The following PAPPA2 variants were observed in gnomAD, a reference collection of about 807,000 sequenced individuals.
The protein encoded by PAPPA2 is pappalysin 2, also known as pappalysin-2.
A neutral mutation model predicts 176.4 loss-of-function variants in PAPPA2; 86 were observed. That is an observed-to-expected ratio of 0.49 (90% CI 0.41 to 0.58). The LOEUF (loss-of-function observed/expected upper bound fraction) is 0.58. PAPPA2 is among the 20% of genes least tolerant of loss of function. The pLI is 0.00. For synonymous variants in PAPPA2, 809 were observed against 852.2 expected, an observed-to-expected ratio of 0.95 and a Z score of 0.88; for missense variants, 2,073 against 2,256.9, an observed-to-expected ratio of 0.92 and a Z score of 1.65.
chr1:176,814,505 T>C lies in PAPPA2; in HGVS notation c.5202+14373T>C, dbSNP rs114242372. Among the ~76,000 whole-genome samples, 1,244 of 152,260 alleles carry C rather than the reference T, an allele frequency of 8.2e-3. 28 individuals are homozygous for C. Among genetic ancestry groups the C allele is most frequent in the African/African-American group, 0.029 (1,186 of 41,552 alleles). ...TTCTTGAAGAGTTCCTTCATTTCCT[T>C]TGTTAGCTGTATTCCTAGGTATTTT... is the stretch of plus-strand genomic sequence containing the variant. On this transcript the variant is annotated intron_variant, in intron 21 of 22. Transcript: ENST00000367662.
At chr1:176,842,334 G>A (rs769222040) in intron 22 of PAPPA2, 46 bp from the exon 23 acceptor site, 16 of 1,523,676 alleles carry the variant, frequency 1.1e-5, no homozygotes, top group African/African-American at 2.7e-5. Context: ...AAAGTGTGAA[G>A]CTATCACAGA....
chr1:176,827,978 A>G (rs1666922039), intron 21 of PAPPA2, among the ~76,000 whole-genome samples: 2 of 152,098 alleles, frequency 1.3e-5, no homozygotes. Context: ...CCTTAGGCAG[A>G]AGGTGGCTGC....
intron 21 of PAPPA2, among the ~76,000 whole-genome samples, chr1:176,804,240 C>T (rs370441672): frequency 1.1e-4 from 17 of 152,144 alleles, no homozygotes; most frequent in East Asian, 7.7e-4. Context: ...TATCTTCATG[C>T]ATGTTGAAAC....
intron 1 of PAPPA2, among the ~76,000 whole-genome samples, chr1:176,466,901 C>A (rs1230310688): frequency 6.6e-6 from 1 of 152,190 alleles, no homozygotes; most frequent in Non-Finnish European, 1.5e-5. Flanking sequence ...GTGTTAGGCT[C>A]ACCTGTTTTG....
At position 176,776,177 on chromosome 1, in the gene PAPPA2, A is replaced by G. The variant is rs116466685; in HGVS notation, c.4715+4997A>G. On this transcript the variant is annotated intron_variant, in intron 17 of 22. Coordinates refer to ENST00000367662, the MANE Select transcript of PAPPA2 (RefSeq NM_020318.3). ...TGTATTTTGTCAATAAAACCATATT[A>G]TATTCTCCCTTATCTTTCACTTCCA... Among the ~76,000 whole-genome samples the G allele has an allele frequency of 6.2e-3, 938 of 152,258 alleles. 12 individuals carry two copies. Among genetic ancestry groups the G allele is most frequent in the Non-Finnish European group, 8.1e-3 (551 of 68,004 alleles).
intron 3 of PAPPA2, among the ~76,000 whole-genome samples, chr1:176,631,860 G>A (rs1454407662): frequency 6.6e-6 from 1 of 152,154 alleles, no homozygotes; most frequent in East Asian, 1.9e-4. Context: ...TATGGAAAGA[G>A]CCAGGAGAAT....
At chr1:176,771,826 G>T (rs1348916343) in intron 17 of PAPPA2, among the ~76,000 whole-genome samples, 2 of 152,076 alleles carry the variant, frequency 1.3e-5, no homozygotes, top group African/African-American at 2.4e-5. Context: ...AAGAACAAAA[G>T]CTTTATAATG....
chr1:176,689,055 C>A (rs551087953), intron 4 of PAPPA2, among the ~76,000 whole-genome samples: 1 of 152,244 alleles, frequency 6.6e-6, no homozygotes, highest in Non-Finnish European at 1.5e-5. Flanking sequence ...AAGGGCAGGG[C>A]CAGCTGGGCA....
chr1:176,791,297 C>T (rs768941913), intron 18 of PAPPA2, 50 bp from the exon 19 acceptor site: 1 of 1,411,612 alleles, frequency 7.1e-7, no homozygotes, highest in Non-Finnish European at 9.5e-7. Flanking sequence ...TTTCAACTCT[C>T]AATAAAGTTA....
chr1:176,476,056 G>A (rs1359670677), intron 1 of PAPPA2, among the ~76,000 whole-genome samples: 2 of 152,296 alleles, frequency 1.3e-5, no homozygotes, highest in Non-Finnish European at 2.9e-5. Flanking sequence ...AAATTTTGGA[G>A]CAAAGACTAT....
chr1:176,620,624 G>T (rs2102690834), intron 3 of PAPPA2, among the ~76,000 whole-genome samples: 1 of 152,294 alleles, frequency 6.6e-6, no homozygotes, highest in Non-Finnish European at 1.5e-5. Flanking sequence ...GAATGATTAT[G>T]ATTGTGTTCC....
At chr1:176,528,074 T>C (rs2102547640) in intron 1 of PAPPA2, among the ~76,000 whole-genome samples, 1 of 152,328 alleles carries the variant, frequency 6.6e-6, no homozygotes, top group South Asian at 2.1e-4. Flanking sequence ...TCTGAGGATT[T>C]ATAGTGAAAG....
At chr1:176,636,054 A>G (rs1178124401) in intron 3 of PAPPA2, among the ~76,000 whole-genome samples, 3 of 152,132 alleles carry the variant, frequency 2.0e-5, no homozygotes, top group East Asian at 3.9e-4. Context: ...TGAAACAGCT[A>G]TTCTTCGATG....
At chr1:176,654,308 G>A (rs577066684) in intron 3 of PAPPA2, among the ~76,000 whole-genome samples, 11 of 151,702 alleles carry the variant, frequency 7.3e-5, no homozygotes, top group Admixed American at 4.6e-4. Flanking sequence ...TTATTTAAAA[G>A]ATTATCATGT....
At chr1:176,644,779 C>A (rs182434250) in intron 3 of PAPPA2, among the ~76,000 whole-genome samples, 25 of 151,836 alleles carry the variant, frequency 1.6e-4, no homozygotes, top group African/African-American at 6.0e-4. Context: ...TTCAGGAAAA[C>A]CTTCCTGGAT....
chr1:176,497,508 C>T (rs1274922539), intron 1 of PAPPA2, among the ~76,000 whole-genome samples: 2 of 152,136 alleles, frequency 1.3e-5, no homozygotes, highest in African/African-American at 2.4e-5. Flanking sequence ...ATCTGGAGCC[C>T]CAAGGGGGAT....
At chr1:176,593,983 G>A (rs1482541123) in intron 2 of PAPPA2, among the ~76,000 whole-genome samples, 2 of 152,206 alleles carry the variant, frequency 1.3e-5, no homozygotes, top group African/African-American at 4.8e-5. Context: ...TGTCTGGGAT[G>A]TTACCATCTT....
At chr1:176,672,269 A>G (rs1470274746) in intron 4 of PAPPA2, among the ~76,000 whole-genome samples, 1 of 152,114 alleles carries the variant, frequency 6.6e-6, no homozygotes, top group Non-Finnish European at 1.5e-5. Context: ...TTTATTTTAA[A>G]ATAAGTTACC....
chr1:176,773,921 G>A (rs1466319261), intron 17 of PAPPA2, among the ~76,000 whole-genome samples: 1 of 152,072 alleles, frequency 6.6e-6, no homozygotes, highest in African/African-American at 2.4e-5. Context: ...CCCAGGGATG[G>A]CACGGATGGC....
Sources: allele counts gnomAD v4.1 joint callset (sites outside exome capture counted in the v4.1 genomes callset), GRCh38; gene constraint gnomAD v4.1.1; transcripts MANE v1.5; gene names NCBI Gene and HGNC (gene_info 2026-07-23, HGNC 2026-07-21).